The following TMC7 variants were observed in gnomAD, a reference collection of about 807,000 sequenced individuals.
The protein encoded by TMC7 is transmembrane channel like 7.
In TMC7, 54 loss-of-function variants were observed where a neutral mutation model predicts 82.9. That is an observed-to-expected ratio of 0.65 (90% confidence interval 0.52 to 0.82). The LOEUF is 0.82. TMC7 is among the 40% of genes least tolerant of loss of function. TMC7 has a pLI of 0.00. For missense variants in TMC7, 820 were observed against 901.2 expected (o/e 0.91, Z 1.15); for synonymous variants, 350 against 337.9 (o/e 1.04, Z -0.39).
intron 13 of TMC7, among the ~76,000 whole-genome samples, chr16:19,056,233 G>A (rs372230682): frequency 1.3e-5 from 2 of 151,872 alleles, no homozygotes; most frequent in South Asian, 4.2e-4. Flanking sequence ...GGGTGGGCAT[G>A]CACCACCATG....
At chr16:19,053,066 T>C (rs1168801949) in intron 13 of TMC7, among the ~76,000 whole-genome samples, 1 of 152,190 alleles carries the variant, frequency 6.6e-6, no homozygotes, top group Non-Finnish European at 1.5e-5. Flanking sequence ...TTGCTCTTTA[T>C]TGTTATGATA....
intron 1 of TMC7, among the ~76,000 whole-genome samples, chr16:18,999,090 G>A (rs1446196168): frequency 2.0e-5 from 3 of 152,174 alleles, no homozygotes; most frequent in Admixed American, 2.0e-4. Flanking sequence ...CTAGGATGGA[G>A]TGCATTGCTT....
chr16:18,991,311 C>T (rs1422517557), intron 1 of TMC7, among the ~76,000 whole-genome samples: 1 of 152,156 alleles, frequency 6.6e-6, no homozygotes, highest in Non-Finnish European at 1.5e-5. Flanking sequence ...TATTAAAGGA[C>T]TAAGAATTGG....
chr16:19,033,639 C>G (rs1960616073), intron 6 of TMC7: 1 of 152,312 alleles, frequency 6.6e-6, no homozygotes, highest in African/African-American at 2.4e-5. Context: ...GAGCCATGAT[C>G]ACACTGCTGC....
intron 1 of TMC7, among the ~76,000 whole-genome samples, chr16:18,986,228 T>C (rs1220713177): frequency 6.6e-6 from 1 of 151,784 alleles, no homozygotes; most frequent in Non-Finnish European, 1.5e-5. Context: ...ATCCTGTCTC[T>C]ACTAAAAACA....
intron 8 of TMC7, among the ~76,000 whole-genome samples, chr16:19,038,919 T>C (rs927240984): frequency 4.6e-5 from 7 of 152,154 alleles, no homozygotes; most frequent in African/African-American, 1.7e-4. Flanking sequence ...GTTTTATCCC[T>C]GACTGTTATT....
rs747204855 is a variant in TMC7, at chr16:19,056,582, A to C, written c.1912A>C (p.Asn638His). The C allele has an allele frequency of 6.2e-7, 1 of 1,613,988 alleles. No individual in the cohort carries two copies. The highest frequency in any genetic ancestry group is 1.1e-5 in the South Asian group (1 of 91,080). ...AGCCTGTGGGCCGTTCACCAACTTC[A>C]ACACCACCTGGGAGGTCATCCCCAA... ...SKACGPFTNF[N>H]TTWEVIPKTV... The change falls in exon 14 of 16, where the codon AAC (asparagine) becomes CAC (histidine). Residue 638 changes from asparagine (N) to histidine (H), a missense_variant. Around this residue, in one of 2 missense-constraint regions of TMC7, gnomAD observed 170 missense variants for 231.3 expected, o/e 0.74. Transcript: ENST00000304381.
intron 9 of TMC7, among the ~76,000 whole-genome samples, chr16:19,042,793 C>G (rs1038916652): frequency 7.2e-5 from 11 of 151,794 alleles, no homozygotes; most frequent in Admixed American, 3.9e-4. Flanking sequence ...GTCACCCAGG[C>G]TAGAGTGCAG....
intron 12 of TMC7, 117 bp downstream of exon 12, chr16:19,047,366 A>G (rs1340313215): frequency 1.2e-6 from 1 of 826,974 alleles, no homozygotes; most frequent in African/African-American, 1.8e-5. Context: ...TACATCCTTT[A>G]TTTAAAATAT....
At chr16:19,030,680 G>T (rs184730796) in intron 6 of TMC7, among the ~76,000 whole-genome samples, 1 of 151,684 alleles carries the variant, frequency 6.6e-6, no homozygotes, top group African/African-American at 2.4e-5. Context: ...TCAGGTTCAA[G>T]TGATTCTTGT....
intron 6 of TMC7, among the ~76,000 whole-genome samples, chr16:19,035,213 G>A (rs931265283): frequency 6.6e-6 from 1 of 152,172 alleles, no homozygotes. Flanking sequence ...TTATTAGTGG[G>A]AGTTAAACAT....
chr16:19,009,314 C>T lies in TMC7; in HGVS notation c.210C>T (p.Thr70=), dbSNP rs764110683. 137 of 1,614,044 alleles carry T rather than the reference C, an allele frequency of 8.5e-5. No homozygotes were observed. The highest frequency in any genetic ancestry group is 9.2e-5 in the Non-Finnish European group (109 of 1,180,048). Residue 70 remains threonine (T), a synonymous_variant, in exon 2 of 16, where the codon ACC becomes ACT. Transcript: ENST00000304381. ...DKQSGTLLKP[T]DSYSSQLEDR... is the part of the protein sequence containing the mutation. ...AAAGCGGAACTTTGCTAAAGCCAAC[C>T]GACTCTTACAGCTCCCAGCTGGAGG...
intron 13 of TMC7, among the ~76,000 whole-genome samples, chr16:19,053,464 C>T (rs868516970): frequency 6.6e-6 from 1 of 151,806 alleles, no homozygotes; most frequent in Non-Finnish European, 1.5e-5. Context: ...AGTGCAGTGG[C>T]GCGATCTTGG....
rs748262310 is a variant in TMC7, at chr16:19,021,658, T to C, written c.490T>C (p.Phe164Leu). ...GKFGTGIQSYFSFLRFLVLLN... is the reference protein window; with the variant it reads ...GKFGTGIQSYLSFLRFLVLLN... ...ATTTGGCACTGGGATTCAGTCCTAT[T>C]TCTCCTTCTTGAGATTCCTGGTGTT... The change falls in exon 4 of 16, where the codon TTC becomes CTC. Residue 164 changes from phenylalanine (F) to leucine (L), a missense_variant. Around this residue, in one of 2 missense-constraint regions of TMC7, gnomAD observed 650 missense variants for 669.9 expected, o/e 0.97. Coordinates refer to ENST00000304381, the MANE Select transcript of TMC7 (RefSeq NM_024847.4). 2 of 1,614,182 alleles carry C rather than the reference T, an allele frequency of 1.2e-6. No individual in the cohort carries two copies. Among genetic ancestry groups the C allele is most frequent in the South Asian group, 2.2e-5 (2 of 91,076 alleles).
At chr16:19,059,014 A>ATT (rs1428678880) in intron 14 of TMC7, among the ~76,000 whole-genome samples, 1 of 152,028 alleles carries the variant, frequency 6.6e-6, no homozygotes, top group Non-Finnish European at 1.5e-5. Context: ...AGTAGCTGGG[A>ATT]TTATAGGCGT....
At chr16:18,985,896 T>C (rs1370514068) in intron 1 of TMC7, among the ~76,000 whole-genome samples, 1 of 151,940 alleles carries the variant, frequency 6.6e-6, no homozygotes, top group Non-Finnish European at 1.5e-5. Context: ...TGACCAGGCA[T>C]GGTGACTCAT....
chr16:19,003,109 T>A (rs11639817), intron 1 of TMC7, among the ~76,000 whole-genome samples: 70,297 of 151,414 alleles, frequency 0.46, 18,834 homozygotes, highest in East Asian at 0.76. Context: ...GGCGGGAGGA[T>A]CACTTGAGCC....
At chr16:19,047,778 T>C (rs926207450) in intron 12 of TMC7, among the ~76,000 whole-genome samples, 32 of 149,788 alleles carry the variant, frequency 2.1e-4, no homozygotes, top group African/African-American at 7.6e-4. Context: ...AGTGGCACGA[T>C]CTCGGCTCAC....
chr16:19,033,244 C>T (rs1324375388), intron 6 of TMC7, among the ~76,000 whole-genome samples: 1 of 152,140 alleles, frequency 6.6e-6, no homozygotes, highest in Non-Finnish European at 1.5e-5. Flanking sequence ...TAGCACTCTG[C>T]CTGGCACCTT....
Sources: allele counts gnomAD v4.1 joint callset (sites outside exome capture counted in the v4.1 genomes callset), GRCh38; gene constraint gnomAD v4.1.1; regional missense constraint gnomAD v4.1.1; transcripts MANE v1.5; gene names NCBI Gene and HGNC (gene_info 2026-07-23, HGNC 2026-07-21).